Variants in OR51B5 observed in about 807,000 individuals in gnomAD.
OR51B5 encodes olfactory receptor family 51 subfamily B member 5, also known as olfactory receptor 51B5.
For missense variants in OR51B5, 456 were observed against 374.6 expected (o/e 1.22, Z -1.79); for synonymous variants, 186 against 144.8 (o/e 1.28, Z -2.04).
At chr11:5,420,398 G>C (rs980729293) in intron 1 of OR51B5, among the ~76,000 whole-genome samples, 28 of 151,840 alleles carry the variant, frequency 1.8e-4, no homozygotes, top group African/African-American at 6.5e-4. Flanking sequence ...GTTGAACATT[G>C]TTTTATGCTT....
Position 5,457,717 on chromosome 11 carries a change from T to A in OR51B5, n.84+47852A>T, listed in dbSNP as rs115720009. ...GTTTTCATTTGCATTTCTCTAATGATTAATAATGCTGAGCATTCCTTTATA... is the reference window on the plus strand; with the variant it reads ...GTTTTCATTTGCATTTCTCTAATGAATAATAATGCTGAGCATTCCTTTATA... On this transcript the variant is annotated intron_variant and non_coding_transcript_variant, in intron 1 of 4. Coordinates refer to the OR51B5 transcript ENST00000415970. Among the ~76,000 whole-genome samples, 1,434 of 152,344 alleles carry A rather than the reference T, an allele frequency of 9.4e-3. 24 individuals are homozygous for A. The highest frequency in any genetic ancestry group is 0.031 in the African/African-American group (1,306 of 41,586).
intron 1 of OR51B5, among the ~76,000 whole-genome samples, chr11:5,414,400 T>C (rs914652024): frequency 6.8e-6 from 1 of 147,098 alleles, no homozygotes; most frequent in African/African-American, 2.5e-5. Flanking sequence ...CCAGCTAACA[T>C]CATAATGACA....
At chr11:5,408,112 T>C (rs998657119) in intron 1 of OR51B5, among the ~76,000 whole-genome samples, 4 of 152,132 alleles carry the variant, frequency 2.6e-5, no homozygotes, top group East Asian at 1.9e-4. Flanking sequence ...CTCTCTGAAC[T>C]ACAGCAATAT....
At chr11:5,364,316 C>G in intron 1 of OR51B5, among the ~76,000 whole-genome samples, 1 of 152,128 alleles carries the variant, frequency 6.6e-6, no homozygotes, top group East Asian at 1.9e-4. Flanking sequence ...TTCACAAAAC[C>G]ATTGGAATTT....
intron 1 of OR51B5, among the ~76,000 whole-genome samples, chr11:5,419,894 C>T (rs1401104760): frequency 3.3e-5 from 5 of 151,524 alleles, no homozygotes; most frequent in Non-Finnish European, 7.4e-5. Flanking sequence ...AAGCACATTT[C>T]TATTGTAATA....
At chr11:5,436,491 T>C (rs901841660) in intron 1 of OR51B5, among the ~76,000 whole-genome samples, 6 of 152,178 alleles carry the variant, frequency 3.9e-5, no homozygotes, top group Non-Finnish European at 7.3e-5. Flanking sequence ...TGTCTGTGGA[T>C]CTGTGTGGGA....
intron 1 of OR51B5, among the ~76,000 whole-genome samples, chr11:5,446,216 C>T (rs1302801374): frequency 6.6e-6 from 1 of 151,824 alleles, no homozygotes; most frequent in African/African-American, 2.4e-5. Context: ...AACAAACCTG[C>T]ACTTTGTGCA....
chr11:5,385,659 TAATA>T (rs1849677379), intron 1 of OR51B5, among the ~76,000 whole-genome samples: 2 of 151,442 alleles, frequency 1.3e-5, no homozygotes, highest in South Asian at 4.2e-4. Flanking sequence ...TAAACATGTA[TAATA>T]AAGAATACGT....
At chr11:5,486,457 G>A (rs1195526231) in intron 1 of OR51B5, among the ~76,000 whole-genome samples, 1 of 146,542 alleles carries the variant, frequency 6.8e-6, no homozygotes, top group Non-Finnish European at 1.5e-5. Context: ...CTGAGGAGGA[G>A]GAGAGGGAAG....
chr11:5,378,067 A>G (rs1323870717), intron 1 of OR51B5, among the ~76,000 whole-genome samples: 1 of 152,134 alleles, frequency 6.6e-6, no homozygotes, highest in Non-Finnish European at 1.5e-5. Flanking sequence ...ACTATACTAC[A>G]AGGCTACAGT....
At chr11:5,422,267 G>A (rs749693977) in intron 1 of OR51B5, 2 of 1,614,102 alleles carry the variant, frequency 1.2e-6, no homozygotes, top group Admixed American at 3.3e-5. Flanking sequence ...CCCTGGATTT[G>A]AGGCCTCCCA....
chr11:5,403,985 T>G (rs567284106), intron 1 of OR51B5, among the ~76,000 whole-genome samples: 5 of 152,092 alleles, frequency 3.3e-5, no homozygotes, highest in Admixed American at 6.5e-5. Flanking sequence ...ACCAGCTAGT[T>G]CAAAGGAGGC....
At chr11:5,409,259 G>A (rs1193607129) in intron 1 of OR51B5, among the ~76,000 whole-genome samples, 1 of 152,068 alleles carries the variant, frequency 6.6e-6, no homozygotes, top group East Asian at 1.9e-4. Flanking sequence ...GACATCTAGA[G>A]CCATTTTCTT....
At chr11:5,354,467 A>G (rs939628684) in intron 1 of OR51B5, among the ~76,000 whole-genome samples, 7 of 149,604 alleles carry the variant, frequency 4.7e-5, no homozygotes, top group African/African-American at 1.7e-4. Flanking sequence ...ATGAAGAGAC[A>G]AGATAAAAAG....
intron 1 of OR51B5, among the ~76,000 whole-genome samples, chr11:5,460,478 C>A (rs1851033843): frequency 3.4e-4 from 1 of 2,926 alleles, no homozygotes; most frequent in Non-Finnish European, 9.3e-3. Flanking sequence ...TGTCATCTTT[C>A]AACTCGAGTC....
At position 5,422,763 on chromosome 11, in the gene OR51B5, G is replaced by A. The variant is rs115558711; in HGVS notation, n.85-75853C>T. The A allele has an allele frequency of 9.1e-4, 1,473 of 1,614,004 alleles. 12 individuals carry two copies. Among genetic ancestry groups the A allele is most frequent in the African/African-American group, 8.9e-3 (669 of 74,994 alleles). On this transcript the variant is annotated intron_variant and non_coding_transcript_variant, in intron 1 of 4. Transcript: ENST00000415970. ...TATTGCCTCCACCAGGATATGATCCGCCTGGTCTGTGCTGACATCAGGCTC... is the reference window on the plus strand; with the variant it reads ...TATTGCCTCCACCAGGATATGATCCACCTGGTCTGTGCTGACATCAGGCTC...
chr11:5,391,538 G>C (rs1849795347), intron 1 of OR51B5: 1 of 152,156 alleles, frequency 6.6e-6, no homozygotes, highest in Non-Finnish European at 1.5e-5. Context: ...TGTATGCGTG[G>C]ACATATAGAT....
chr11:5,471,663 A>C (rs1358869756), intron 1 of OR51B5, among the ~76,000 whole-genome samples: 2 of 152,092 alleles, frequency 1.3e-5, no homozygotes, highest in African/African-American at 4.8e-5. Context: ...TGATCAAATA[A>C]AACATTTTAT....
chr11:5,390,105 C>A (rs1012383834), intron 1 of OR51B5: 1 of 1,613,684 alleles, frequency 6.2e-7, no homozygotes, highest in Non-Finnish European at 8.5e-7. Flanking sequence ...ATCCTGCACA[C>A]AGTAGCAGGC....
Sources: gnomAD v4.1 joint callset for allele counts (sites outside exome capture counted in the v4.1 genomes callset) on GRCh38, gnomAD v4.1.1 for gene constraint, MANE v1.5 for transcripts, NCBI Gene and HGNC (gene_info 2026-07-23, HGNC 2026-07-21) for gene names.